Variants in LPCAT2 observed in about 807,000 individuals in gnomAD.
LPCAT2 encodes lysophosphatidylcholine acyltransferase 2.
A neutral mutation model predicts 64.7 loss-of-function variants in LPCAT2; 58 were observed. The ratio of observed to expected loss-of-function variants is 0.90; its 90% CI spans 0.73 to 1.12. The LOEUF is 1.12. Ranked by LOEUF, LPCAT2 falls within the 50% of genes most tolerant of loss-of-function variation. The probability of loss-of-function intolerance (pLI) is 0.00; values close to 1 mark genes in which losing one functional copy is unlikely to be tolerated. For synonymous variants in LPCAT2, 252 were observed against 245.3 expected (o/e 1.03, Z -0.26); for missense variants, 579 against 669.8 (o/e 0.86, Z 1.50).
At chr16:55,566,299 A>G (rs1019167332) in intron 11 of LPCAT2, among the ~76,000 whole-genome samples, 1 of 152,126 alleles carries the variant, frequency 6.6e-6, no homozygotes, top group Non-Finnish European at 1.5e-5. Context: ...TATTCTTCCA[A>G]TGCCCAAGAT....
chr16:55,578,158 C>G (rs1290828686), intron 12 of LPCAT2, among the ~76,000 whole-genome samples: 1 of 152,150 alleles, frequency 6.6e-6, no homozygotes, highest in African/African-American at 2.4e-5. Flanking sequence ...CTACTCATAC[C>G]TCAGCTGTTG....
At chr16:55,576,075 C>T (rs764640158) in intron 12 of LPCAT2, among the ~76,000 whole-genome samples, 5 of 152,066 alleles carry the variant, frequency 3.3e-5, no homozygotes, top group Admixed American at 6.5e-5. Flanking sequence ...AAAATTTGGC[C>T]CTTAATCACA....
Position 55,551,017 on chromosome 16 carries a change from G to A in LPCAT2, c.1130G>A (p.Gly377Glu). The A allele has an allele frequency of 1.2e-6, 2 of 1,613,192 alleles. No homozygotes were observed. The highest frequency in any genetic ancestry group is 1.7e-5 in the Admixed American group (1 of 59,998). Residue 377 changes from glycine (G) to glutamate (E), a missense_variant, in exon 11 of 14, where the codon GGA (glycine) becomes GAA (glutamate). Transcript: ENST00000262134. ...YASIASSSKG[G>E]RIGIEEFAKY... The stretch of plus-strand genomic sequence containing the variant: ...TCTATTGCGAGTTCCTCAAAAGGAG[G>A]AAGAATTGGAATTGAAGAATTCGCC...
intron 1 of LPCAT2, among the ~76,000 whole-genome samples, chr16:55,513,585 A>AG (rs1485655259): frequency 6.6e-6 from 1 of 152,188 alleles, no homozygotes; most frequent in Non-Finnish European, 1.5e-5. Context: ...CAACAATCCA[A>AG]GGAGCATTTA....
intron 1 of LPCAT2, among the ~76,000 whole-genome samples, chr16:55,518,710 CA>C (rs779061116): frequency 2.6e-5 from 4 of 152,138 alleles, no homozygotes; most frequent in Non-Finnish European, 4.4e-5. Context: ...TGGTCTGGGA[CA>C]ATTGGATTGA....
At chr16:55,513,867 T>C (rs1962969501) in intron 1 of LPCAT2, among the ~76,000 whole-genome samples, 1 of 152,148 alleles carries the variant, frequency 6.6e-6, no homozygotes, top group Non-Finnish European at 1.5e-5. Flanking sequence ...TCTTGGTGCT[T>C]ACACAGTGCA....
chr16:55,561,418 C>T lies in LPCAT2; in HGVS notation c.1215+10316C>T, dbSNP rs1196075668. Among the ~76,000 whole-genome samples the T allele has an allele frequency of 2.1e-5, 3 of 144,780 alleles. No individual in the cohort carries two copies. In the East Asian group the frequency reaches 6.1e-4, roughly 29 times the overall value. 95.0% of individuals were successfully genotyped at this position (144,780 alleles called of 152,430 possible). The stretch of plus-strand genomic sequence containing the variant: ...TGGATGGTAGAGTTCCCACAGACAG[C>T]AATTAAGGTTGCTATTAATGTTCTA... On this transcript the variant is annotated intron_variant, in intron 11 of 13. Coordinates refer to ENST00000262134, the MANE Select transcript of LPCAT2 (RefSeq NM_017839.5).
intron 11 of LPCAT2, among the ~76,000 whole-genome samples, chr16:55,570,070 T>C (rs1436692297): frequency 2.0e-5 from 3 of 152,218 alleles, no homozygotes; most frequent in Non-Finnish European, 2.9e-5. Flanking sequence ...GATAAAAATA[T>C]GTGAAATTAT....
At chr16:55,558,266 T>C (rs1340509656) in intron 11 of LPCAT2, among the ~76,000 whole-genome samples, 1 of 152,220 alleles carries the variant, frequency 6.6e-6, no homozygotes, top group Non-Finnish European at 1.5e-5. Flanking sequence ...AGGAAATTTT[T>C]ACACTGGCTA....
chr16:55,542,997 A>G (rs528569086), intron 8 of LPCAT2, among the ~76,000 whole-genome samples: 1 of 152,310 alleles, frequency 6.6e-6, no homozygotes, highest in South Asian at 2.1e-4. Flanking sequence ...ACCATAAAAG[A>G]TAGTGGCAAT....
At chr16:55,557,404 C>A (rs570972774) in intron 11 of LPCAT2, among the ~76,000 whole-genome samples, 1 of 152,048 alleles carries the variant, frequency 6.6e-6, no homozygotes, top group Non-Finnish European at 1.5e-5. Context: ...ATACACATAC[C>A]CACTTTCCAT....
intron 12 of LPCAT2, among the ~76,000 whole-genome samples, chr16:55,575,148 C>G (rs1449209108): frequency 6.6e-6 from 1 of 152,084 alleles, no homozygotes; most frequent in African/African-American, 2.4e-5. Flanking sequence ...GGTACTTTTT[C>G]TAATAAAATT....
chr16:55,509,991 C>CTTTTTTTTTTT (rs57496150), intron 1 of LPCAT2, among the ~76,000 whole-genome samples: 20 of 102,534 alleles, frequency 2.0e-4, no homozygotes, highest in Non-Finnish European at 2.3e-4. Context: ...TTGAAGAAGT[C>CTTTTTTTTTTT]TTTTTTTTTT....
At chr16:55,550,484 G>A (rs1963503754) in intron 10 of LPCAT2, among the ~76,000 whole-genome samples, 1 of 152,146 alleles carries the variant, frequency 6.6e-6, no homozygotes, top group Non-Finnish European at 1.5e-5. Context: ...ACTAAGTAAT[G>A]TTTAGATTTA....
chr16:55,578,155 T>C (rs1472044620), intron 12 of LPCAT2, among the ~76,000 whole-genome samples: 1 of 152,202 alleles, frequency 6.6e-6, no homozygotes, highest in African/African-American at 2.4e-5. Context: ...TCACTACTCA[T>C]ACCTCAGCTG....
At chr16:55,520,598 A>G (rs1380950881) in intron 1 of LPCAT2, among the ~76,000 whole-genome samples, 1 of 152,118 alleles carries the variant, frequency 6.6e-6, no homozygotes, top group East Asian at 1.9e-4. Context: ...ACCGACATAG[A>G]CCAAATGCTG....
Position 55,585,439 on chromosome 16 carries a change from G to A in LPCAT2, c.*2341G>A, listed in dbSNP as rs1238790861. 2 of 152,136 alleles carry A rather than the reference G, an allele frequency of 1.3e-5. No homozygotes were observed. Among genetic ancestry groups the A allele is most frequent in the African/African-American group, 4.8e-5 (2 of 41,430 alleles). 9.4% of individuals were successfully genotyped at this position (152,136 alleles called of 1,614,324 possible). A position where few individuals can be genotyped will look rare whatever the true frequency, so the allele number is the denominator to read the frequency against. On this transcript the variant is annotated 3_prime_UTR_variant, in exon 14 of 14. Transcript: ENST00000262134. ...CAATATTATTGCAGACCAGGACTCTGCTTATATGCCTTGCTAACAAAGATT... is the reference window on the plus strand; with the variant it reads ...CAATATTATTGCAGACCAGGACTCTACTTATATGCCTTGCTAACAAAGATT...
rs1172264972 is a variant in LPCAT2, at chr16:55,584,928, T to C, written c.*1830T>C. ...TACATTTTTATCAGAGTGTCTGTCA[T>C]ATGCAATGAATGTATGTAATACTAA... is the stretch of plus-strand genomic sequence containing the variant. On this transcript the variant is annotated 3_prime_UTR_variant, in exon 14 of 14. Coordinates refer to ENST00000262134, the MANE Select transcript of LPCAT2 (RefSeq NM_017839.5). 2 of 152,178 alleles carry C rather than the reference T, an allele frequency of 1.3e-5. No individual in the cohort carries two copies. The highest frequency in any genetic ancestry group is 2.4e-5 in the African/African-American group (1 of 41,456). The allele number at this position is 152,178 out of a possible 1,614,324, so 9.4% of individuals were successfully genotyped here.
chr16:55,514,695 C>T (rs180832744), intron 1 of LPCAT2, among the ~76,000 whole-genome samples: 1 of 152,216 alleles, frequency 6.6e-6, no homozygotes, highest in Non-Finnish European at 1.5e-5. Flanking sequence ...CAAAGTATAG[C>T]TTATAAATAG....
Sources: allele counts gnomAD v4.1 joint callset (sites outside exome capture counted in the v4.1 genomes callset), GRCh38; gene constraint gnomAD v4.1.1; transcripts MANE v1.5; gene names NCBI Gene and HGNC (gene_info 2026-07-23, HGNC 2026-07-21).